The following SLC24A2 variants were observed in gnomAD, a reference collection of about 807,000 sequenced individuals.
SLC24A2 encodes the protein sodium/potassium/calcium exchanger 2.
In SLC24A2, 36 loss-of-function variants were observed where a neutral mutation model predicts 62.0. That is an observed-to-expected ratio of 0.58 (90% CI 0.44 to 0.77). The LOEUF is 0.77. Among genes scored for constraint, SLC24A2 ranks in the 30% least tolerant of loss-of-function variants. SLC24A2 has a pLI of 0.00. For missense variants in SLC24A2, 846 were observed against 817.9 expected (o/e 1.03, Z -0.42); for synonymous variants, 358 against 294.0 (o/e 1.22, Z -2.23).
chr9:19,787,267 A>ATT (rs1446337958), intron 1 of SLC24A2, among the ~76,000 whole-genome samples: 3 of 152,226 alleles, frequency 2.0e-5, no homozygotes, highest in Non-Finnish European at 4.4e-5. Context: ...ATGAAGATGT[A>ATT]TGTATAAACC....
At chr9:19,946,459 C>G in the SLC24A2 span, among the ~76,000 whole-genome samples, 2 of 152,208 alleles carry the variant, frequency 1.3e-5, no homozygotes, top group African/African-American at 4.8e-5. Flanking sequence ...AAGGAGAGAT[C>G]TCTGATCTGT....
At chr9:20,093,371 C>A in the SLC24A2 span, among the ~76,000 whole-genome samples, 2 of 151,980 alleles carry the variant, frequency 1.3e-5, no homozygotes, top group Non-Finnish European at 2.9e-5. Flanking sequence ...CACGCCCGGC[C>A]TATTTTCAGG....
chr9:20,103,937 G>A, the SLC24A2 span, among the ~76,000 whole-genome samples: 1 of 152,124 alleles, frequency 6.6e-6, no homozygotes, highest in Non-Finnish European at 1.5e-5. Flanking sequence ...AGGCAAAGAA[G>A]TTAAAAACTT....
At chr9:19,709,880 C>A (rs530712920) in intron 2 of SLC24A2, among the ~76,000 whole-genome samples, 1 of 151,606 alleles carries the variant, frequency 6.6e-6, no homozygotes, top group Non-Finnish European at 1.5e-5. Flanking sequence ...TGCACATGTA[C>A]CCTAAAGCTT....
the SLC24A2 span, among the ~76,000 whole-genome samples, chr9:20,199,595 C>A: frequency 6.6e-6 from 1 of 152,092 alleles, no homozygotes; most frequent in East Asian, 1.9e-4. Flanking sequence ...TTTTTCAATT[C>A]ACTTTGAGAA....
intron 2 of SLC24A2, among the ~76,000 whole-genome samples, chr9:19,719,759 C>G (rs958782524): frequency 2.0e-5 from 3 of 152,180 alleles, no homozygotes; most frequent in African/African-American, 7.2e-5. Context: ...ACCTAGATGT[C>G]TGAGAAGGTT....
At chr9:19,957,336 C>G in the SLC24A2 span, 1 of 152,184 alleles carries the variant, frequency 6.6e-6, no homozygotes, top group East Asian at 1.9e-4. Context: ...GCAAAACACT[C>G]TATATCCAGA....
rs541056830 is a variant in SLC24A2, at chr9:19,603,326, G to A, written c.1079-6047C>T. 2.0e-5 allele frequency among the ~76,000 whole-genome samples: 3 copies of A among 152,032 alleles called. No homozygotes were observed. In the South Asian group the frequency reaches 6.2e-4, roughly 32 times the overall value. On this transcript the variant is annotated intron_variant, in intron 4 of 10. Coordinates refer to ENST00000341998, the MANE Select transcript of SLC24A2 (RefSeq NM_020344.4). ...TTAAATCCTATCAATTCTGGGCTGGGGGTTACAAACACATTTATTACCCAC... is the reference window on the plus strand; with the variant it reads ...TTAAATCCTATCAATTCTGGGCTGGAGGTTACAAACACATTTATTACCCAC...
the SLC24A2 span, among the ~76,000 whole-genome samples, chr9:19,817,864 G>C: frequency 2.6e-5 from 4 of 152,164 alleles, no homozygotes; most frequent in East Asian, 7.7e-4. Flanking sequence ...TGAGTGAGTA[G>C]CTGGGACTAC....
the SLC24A2 span, among the ~76,000 whole-genome samples, chr9:20,042,237 A>G: frequency 6.6e-6 from 1 of 152,204 alleles, no homozygotes; most frequent in Admixed American, 6.5e-5. Context: ...GCAGGAAGAA[A>G]TGGTGGACAT....
At chr9:20,094,924 C>T in the SLC24A2 span, among the ~76,000 whole-genome samples, 1 of 152,014 alleles carries the variant, frequency 6.6e-6, no homozygotes, top group Non-Finnish European at 1.5e-5. Flanking sequence ...TTCAAAGTTG[C>T]CACTTTTCAA....
the SLC24A2 span, among the ~76,000 whole-genome samples, chr9:20,092,615 T>A: frequency 6.6e-6 from 1 of 152,182 alleles, no homozygotes; most frequent in Non-Finnish European, 1.5e-5. Flanking sequence ...TGACAAAAAT[T>A]GTTCATATTC....
intron 2 of SLC24A2, among the ~76,000 whole-genome samples, chr9:19,661,252 T>C (rs145647457): frequency 6.6e-6 from 1 of 152,280 alleles, no homozygotes; most frequent in Non-Finnish European, 1.5e-5. Flanking sequence ...ACCCATGACT[T>C]ATCTATTCCC....
the SLC24A2 span, among the ~76,000 whole-genome samples, chr9:20,204,835 C>A: frequency 6.6e-6 from 1 of 151,644 alleles, no homozygotes; most frequent in East Asian, 1.9e-4. Context: ...GCTCCGTCTC[C>A]CAGGTTCACT....
At chr9:20,227,664 C>T in the SLC24A2 span, among the ~76,000 whole-genome samples, 5 of 151,970 alleles carry the variant, frequency 3.3e-5, no homozygotes, top group Non-Finnish European at 5.9e-5. Flanking sequence ...CTGCTATCAG[C>T]GTGGCCTTGG....
chr9:20,246,398 G>GT, the SLC24A2 span, among the ~76,000 whole-genome samples: 1 of 152,150 alleles, frequency 6.6e-6, no homozygotes, highest in African/African-American at 2.4e-5. Context: ...TTAAGCACCT[G>GT]TTTTTGCAAT....
the SLC24A2 span, among the ~76,000 whole-genome samples, chr9:20,174,023 T>C: frequency 1.4e-3 from 210 of 152,144 alleles, 1 homozygote; most frequent in Non-Finnish European, 2.7e-3. Flanking sequence ...TGTAACAGAA[T>C]AGAGAACCCA....
rs1832600010 is a variant in SLC24A2, at chr9:19,508,737, T to C, written c.*7416A>G. The C allele has an allele frequency of 6.6e-6, 1 of 152,030 alleles. No individual in the cohort carries two copies. The highest frequency in any genetic ancestry group is 2.4e-5 in the African/African-American group (1 of 41,366). The allele number at this position is 152,030 out of a possible 1,614,324, so 9.4% of individuals were successfully genotyped here. On this transcript the variant is annotated 3_prime_UTR_variant, in exon 11 of 11. Coordinates refer to ENST00000341998, the MANE Select transcript of SLC24A2 (RefSeq NM_020344.4). ...TGAGTCCAGGTGTTTGAGGCTACAC[T>C]GAGCTATGATTGCACCACTGCACTC...
the SLC24A2 span, among the ~76,000 whole-genome samples, chr9:20,207,980 T>G: frequency 6.6e-6 from 1 of 152,228 alleles, no homozygotes; most frequent in Non-Finnish European, 1.5e-5. Flanking sequence ...AAGACACTTA[T>G]TCAAGACACA....
Sources: gnomAD v4.1 joint callset for allele counts (sites outside exome capture counted in the v4.1 genomes callset) on GRCh38, gnomAD v4.1.1 for gene constraint, MANE v1.5 for transcripts, NCBI Gene and HGNC (gene_info 2026-07-23, HGNC 2026-07-21) for gene names.